BCL2: variants seen among roughly 807,000 people sequenced by gnomAD.
The protein encoded by BCL2 is BCL2 apoptosis regulator.
A neutral mutation model predicts 14.2 loss-of-function variants in BCL2; 1 was observed. The ratio of observed to expected loss-of-function variants is 0.07; its 90% CI spans 0.02 to 0.33. The LOEUF (loss-of-function observed/expected upper bound fraction) is 0.33, where lower values mean the gene tolerates loss of function less well. BCL2 is among the 10% of genes least tolerant of loss of function. BCL2 has a pLI of 0.99. For missense variants in BCL2, 247 were observed against 305.9 expected (o/e 0.81, Z 1.44); for synonymous variants, 151 against 137.2 (o/e 1.10, Z -0.70).
chr18:63,289,033 A>G (rs1912559291), intron 2 of BCL2, among the ~76,000 whole-genome samples: 1 of 152,212 alleles, frequency 6.6e-6, no homozygotes, highest in Non-Finnish European at 1.5e-5. Context: ...GTAAAGTAAG[A>G]GATAGCAAAG....
At chr18:63,130,197 T>A (rs540261156) in intron 2 of BCL2, among the ~76,000 whole-genome samples, 3 of 152,338 alleles carry the variant, frequency 2.0e-5, no homozygotes, top group Admixed American at 6.5e-5. Flanking sequence ...AATCAGTAAA[T>A]GAATTCTTTT....
At chr18:63,302,626 CT>C (rs544384134) in intron 2 of BCL2, 1 of 985,130 alleles carries the variant, frequency 1.0e-6, no homozygotes. Flanking sequence ...GTGACTTATT[CT>C]GCACATGAAT....
intron 2 of BCL2, among the ~76,000 whole-genome samples, chr18:63,178,637 C>T (rs1489699315): frequency 6.6e-6 from 1 of 152,124 alleles, no homozygotes; most frequent in Non-Finnish European, 1.5e-5. Context: ...TGAGGAGCCC[C>T]AGACTCACTT....
chr18:63,278,367 C>G (rs78051903), intron 2 of BCL2, among the ~76,000 whole-genome samples: 1 of 152,202 alleles, frequency 6.6e-6, no homozygotes, highest in Non-Finnish European at 1.5e-5. Context: ...TCGGGCTCCC[C>G]GGAGCCTTCT....
At chr18:63,283,639 C>T (rs947933806) in intron 2 of BCL2, among the ~76,000 whole-genome samples, 4 of 152,156 alleles carry the variant, frequency 2.6e-5, no homozygotes, top group African/African-American at 9.7e-5. Flanking sequence ...TATCCCAACC[C>T]AGAACCACAC....
At chr18:63,286,694 T>G (rs1912484271) in intron 2 of BCL2, among the ~76,000 whole-genome samples, 1 of 152,030 alleles carries the variant, frequency 6.6e-6, no homozygotes, top group Non-Finnish European at 1.5e-5. Context: ...AGGATTTGGT[T>G]TGCGGCAGTT....
chr18:63,123,514 AT>A lies in BCL2; in HGVS notation c.*5110del. On this transcript the variant is annotated 3_prime_UTR_variant, in exon 3 of 3. Coordinates refer to ENST00000333681, the MANE Select transcript of BCL2 (RefSeq NM_000633.3). ...TAACCATGTAAAGTATCCTTACCGT[AT>A]TTTTTATGTGTACAGTGTTGCAGAA... The A allele has an allele frequency of 4.8e-6, 1 of 207,152 alleles. No homozygotes were observed. 12.8% of individuals were successfully genotyped at this position (207,152 alleles called of 1,614,324 possible).
At chr18:63,304,211 C>T (rs1462146938) in intron 2 of BCL2, among the ~76,000 whole-genome samples, 2 of 152,138 alleles carry the variant, frequency 1.3e-5, no homozygotes, top group Non-Finnish European at 2.9e-5. Flanking sequence ...GTGGGATTCA[C>T]AAGAGATGGG....
At chr18:63,182,244 G>C (rs1449047596) in intron 2 of BCL2, among the ~76,000 whole-genome samples, 1 of 152,184 alleles carries the variant, frequency 6.6e-6, no homozygotes. Flanking sequence ...GGACAGCCAA[G>C]GTTGGAAGCT....
At chr18:63,230,389 A>T (rs1910659087) in intron 2 of BCL2, among the ~76,000 whole-genome samples, 1 of 152,182 alleles carries the variant, frequency 6.6e-6, no homozygotes, top group African/African-American at 2.4e-5. Context: ...AAATTTTAAG[A>T]AAGTTAGAGA....
intron 2 of BCL2, among the ~76,000 whole-genome samples, chr18:63,165,646 G>A (rs1915025393): frequency 1.3e-5 from 2 of 152,178 alleles, no homozygotes; most frequent in Admixed American, 1.3e-4. Flanking sequence ...ACTCCTTGGG[G>A]GTGAAGGCCT....
intron 2 of BCL2, among the ~76,000 whole-genome samples, chr18:63,255,855 C>T (rs866854998): frequency 6.6e-6 from 1 of 150,622 alleles, no homozygotes; most frequent in Non-Finnish European, 1.5e-5. Flanking sequence ...ACAAACATTT[C>T]TTACCAAAAA....
intron 2 of BCL2, among the ~76,000 whole-genome samples, chr18:63,215,952 A>C (rs1399416418): frequency 2.0e-5 from 3 of 152,288 alleles, no homozygotes; most frequent in African/African-American, 7.2e-5. Flanking sequence ...GAAATATGAA[A>C]AGTCTTATGC....
chr18:63,245,901 G>A (rs1911138989), intron 2 of BCL2, among the ~76,000 whole-genome samples: 2 of 152,144 alleles, frequency 1.3e-5, no homozygotes, highest in Non-Finnish European at 2.9e-5. Context: ...TGAATTTGAA[G>A]CTCTAAACTG....
chr18:63,251,518 G>A (rs1260620510), intron 2 of BCL2, among the ~76,000 whole-genome samples: 2 of 151,212 alleles, frequency 1.3e-5, no homozygotes, highest in African/African-American at 4.8e-5. Context: ...GGTGGCGGGC[G>A]CCTGTAGTCC....
chr18:63,286,416 G>T (rs1402485680), intron 2 of BCL2, among the ~76,000 whole-genome samples: 1 of 152,198 alleles, frequency 6.6e-6, no homozygotes, highest in African/African-American at 2.4e-5. Context: ...GTAGACAAAG[G>T]ATAGGTTAAT....
chr18:63,228,764 A>G (rs1306923970), intron 2 of BCL2, among the ~76,000 whole-genome samples: 1 of 151,478 alleles, frequency 6.6e-6, no homozygotes, highest in Non-Finnish European at 1.5e-5. Flanking sequence ...GCTGGAGTGC[A>G]GTGGCATGAT....
At chr18:63,192,166 TG>T (rs1909307016) in intron 2 of BCL2, among the ~76,000 whole-genome samples, 1 of 152,192 alleles carries the variant, frequency 6.6e-6, no homozygotes, top group African/African-American at 2.4e-5. Flanking sequence ...AGGGAATGAT[TG>T]GGTGTTCCAG....
At chr18:63,268,195 G>C (rs1310910671) in intron 2 of BCL2, among the ~76,000 whole-genome samples, 3 of 152,160 alleles carry the variant, frequency 2.0e-5, no homozygotes, top group Admixed American at 1.3e-4. Flanking sequence ...GAGAGGGAGG[G>C]AACACCAAGT....
Sources: gnomAD v4.1 joint callset for allele counts (sites outside exome capture counted in the v4.1 genomes callset) on GRCh38, gnomAD v4.1.1 for gene constraint, MANE v1.5 for transcripts, NCBI Gene and HGNC (gene_info 2026-07-23, HGNC 2026-07-21) for gene names.